Variants in CUL2 observed in about 807,000 individuals in gnomAD.
CUL2 encodes cullin-2.
CUL2 carries 22 observed loss-of-function variants against 110.2 expected under a neutral mutation model. The observed-to-expected ratio is 0.20, with a 90% CI of 0.14 to 0.28. The LOEUF is 0.28. CUL2 is among the 10% of genes least tolerant of loss of function. CUL2 has a pLI of 1.00. For synonymous variants in CUL2, 279 were observed against 293.2 expected, an observed-to-expected ratio of 0.95 and a Z score of 0.49; for missense variants, 631 against 905.5, an observed-to-expected ratio of 0.70 and a Z score of 3.89.
intron 1 of CUL2, among the ~76,000 whole-genome samples, chr10:35,119,814 C>A (rs541815591): frequency 6.6e-6 from 1 of 152,086 alleles, no homozygotes; most frequent in South Asian, 2.1e-4. Flanking sequence ...AAGCAGTCAT[C>A]CCACTTCGGC....
rs1180479986 is a variant in CUL2 at position 35,074,122 on chromosome 10, AAAC to A, written c.-22-2786_-22-2784del. 18 of 1,439,646 alleles carry A rather than the reference AAAC, an allele frequency of 1.3e-5. No homozygotes were observed. The African/African-American group carries it at 2.1e-4, about 17-fold the overall frequency. The allele number at this position is 1,439,646 out of a possible 1,614,324, so 89.2% of individuals were successfully genotyped here. The stretch of plus-strand genomic sequence containing the variant: ...CCAAGCTCTGAGGATACAGTGGACA[AAAC>A]AAAGTTCTTGACTTCAAGATCAGAA... On this transcript the variant is annotated intron_variant, in intron 1 of 20. Coordinates refer to ENST00000374749, the MANE Select transcript of CUL2 (RefSeq NM_003591.4).
At chr10:35,065,854 T>C (rs2086507277) in intron 2 of CUL2, among the ~76,000 whole-genome samples, 1 of 152,074 alleles carries the variant, frequency 6.6e-6, no homozygotes, top group South Asian at 2.1e-4. Context: ...CGAGACACCA[T>C]CTCAAAAAAG....
intron 1 of CUL2, among the ~76,000 whole-genome samples, chr10:35,117,797 C>T (rs1401024295): frequency 6.6e-6 from 1 of 152,116 alleles, no homozygotes; most frequent in East Asian, 1.9e-4. Flanking sequence ...AATATGTGAC[C>T]TTGAATTCTA....
intron 1 of CUL2, among the ~76,000 whole-genome samples, chr10:35,077,021 A>G (rs939288315): frequency 6.6e-6 from 1 of 152,186 alleles, no homozygotes; most frequent in African/African-American, 2.4e-5. Flanking sequence ...TCCCAAGAGA[A>G]ATACAACATA....
chr10:35,074,071 A>G, intron 1 of CUL2: 2 of 944,768 alleles, frequency 2.1e-6, no homozygotes, highest in South Asian at 2.8e-5. Context: ...TGCTTGGTGA[A>G]TACTTACTCC....
intron 2 of CUL2, among the ~76,000 whole-genome samples, chr10:35,065,708 A>C (rs2086502051): frequency 6.6e-6 from 1 of 152,094 alleles, no homozygotes; most frequent in East Asian, 1.9e-4. Context: ...AAAAATACAA[A>C]ATTAGCCAGG....
chr10:35,024,234 C>T (rs2085281999), intron 17 of CUL2, among the ~76,000 whole-genome samples: 1 of 152,082 alleles, frequency 6.6e-6, no homozygotes, highest in Admixed American at 6.5e-5. Flanking sequence ...CCAACTTGCT[C>T]AGTAAAGATC....
chr10:35,104,668 T>A (rs751808356), intron 1 of CUL2, among the ~76,000 whole-genome samples: 1 of 152,052 alleles, frequency 6.6e-6, no homozygotes, highest in Non-Finnish European at 1.5e-5. Context: ...ATTAAATGTA[T>A]AAGTAACCAT....
intron 1 of CUL2, among the ~76,000 whole-genome samples, chr10:35,105,029 C>G (rs2087435046): frequency 6.6e-6 from 1 of 151,714 alleles, no homozygotes; most frequent in Non-Finnish European, 1.5e-5. Context: ...GTGCCCAGCC[C>G]AAAGACTCTT....
At chr10:35,099,117 G>C (rs1033934112) in intron 2 of CUL2, among the ~76,000 whole-genome samples, 1 of 152,032 alleles carries the variant, frequency 6.6e-6, no homozygotes, top group South Asian at 2.1e-4. Flanking sequence ...CTTGGGCTGG[G>C]TGCATTGGCT....
At chr10:35,109,419 T>C (rs1262986573) in intron 1 of CUL2, among the ~76,000 whole-genome samples, 3 of 152,180 alleles carry the variant, frequency 2.0e-5, no homozygotes, top group Non-Finnish European at 4.4e-5. Context: ...GGTCCTTTTC[T>C]CAATAAACTT....
rs139139617 is a variant in CUL2 at position 35,037,200 on chromosome 10, G to T, written c.877+1720C>A. 7.2e-3 allele frequency among the ~76,000 whole-genome samples: 1,095 copies of T among 152,204 alleles called. 14 individuals carry two copies. The highest frequency in any genetic ancestry group is 0.025 in the African/African-American group (1,033 of 41,530). On this transcript the variant is annotated intron_variant, in intron 9 of 20. Coordinates refer to ENST00000374749, the MANE Select transcript of CUL2 (RefSeq NM_003591.4). ...TCAATAGTGAATTGATTTTGTATATGGTATCTTGAGGTAGTGATCAAATTT... is the reference window on the plus strand; with the variant it reads ...TCAATAGTGAATTGATTTTGTATATTGTATCTTGAGGTAGTGATCAAATTT...
At chr10:35,024,555 C>A (rs2085289988) in intron 17 of CUL2, among the ~76,000 whole-genome samples, 1 of 152,178 alleles carries the variant, frequency 6.6e-6, no homozygotes, top group Admixed American at 6.5e-5. Flanking sequence ...TCAGGCAACT[C>A]CACACACAGT....
chr10:35,078,547 T>A (rs990802237), intron 1 of CUL2, among the ~76,000 whole-genome samples: 2 of 152,114 alleles, frequency 1.3e-5, no homozygotes, highest in African/African-American at 4.8e-5. Context: ...GTGATCCCCC[T>A]GCCTCAACCT....
In CUL2 at chr10:35,070,333, G is replaced by T. The variant is rs368275077; in HGVS notation, c.119+866C>A. Among the ~76,000 whole-genome samples, 7 of 152,090 alleles carry T rather than the reference G, an allele frequency of 4.6e-5. No individual in the cohort carries two copies. In the East Asian group the frequency reaches 1.3e-3, roughly 29 times the overall value. Reference sequence around the variant, plus strand: ...TAATGAATTAAATGGTTTTCTGTTGGTCTAAAGAACTTTACTCTTCTTGCA... The same window carrying T: ...TAATGAATTAAATGGTTTTCTGTTGTTCTAAAGAACTTTACTCTTCTTGCA... On this transcript the variant is annotated intron_variant, in intron 2 of 20. Transcript: ENST00000374749.
chr10:35,025,926 A>C (rs1237566665), intron 16 of CUL2, among the ~76,000 whole-genome samples: 1 of 152,204 alleles, frequency 6.6e-6, no homozygotes. Flanking sequence ...TTTTAGCATG[A>C]TGTACCATAT....
At chr10:35,046,181 T>G (rs7899633) in intron 6 of CUL2, among the ~76,000 whole-genome samples, 4,096 of 152,342 alleles carry the variant, frequency 0.027, 182 homozygotes, top group African/African-American at 0.09. Flanking sequence ...TCTTGATATC[T>G]TGATATCACT....
At chr10:35,091,746 G>A (rs1024628383), upstream of CUL2, among the ~76,000 whole-genome samples, 9 of 151,798 alleles carry the variant, frequency 5.9e-5, no homozygotes, top group African/African-American at 1.7e-4. Flanking sequence ...TCAGCTTCCC[G>A]AGTAGCTGGT....
intron 1 of CUL2, among the ~76,000 whole-genome samples, chr10:35,124,840 G>A (rs1203427772): frequency 6.6e-6 from 1 of 152,156 alleles, no homozygotes; most frequent in Non-Finnish European, 1.5e-5. Flanking sequence ...AGAAAGGGAG[G>A]GAAAGTTTAA....
Sources: gnomAD v4.1 joint callset for allele counts (sites outside exome capture counted in the v4.1 genomes callset) on GRCh38, gnomAD v4.1.1 for gene constraint, MANE v1.5 for transcripts, NCBI Gene and HGNC (gene_info 2026-07-23, HGNC 2026-07-21) for gene names.